Variants in GABBR2 observed in about 807,000 individuals in gnomAD.
GABBR2 encodes G-protein coupled receptor 51.
Under a neutral mutation model 105.6 loss-of-function variants are expected in GABBR2, and 23 were observed. The observed-to-expected ratio is 0.22, with a 90% CI of 0.16 to 0.31. The LOEUF (loss-of-function observed/expected upper bound fraction) is 0.31, where lower values mean the gene tolerates loss of function less well. Among genes scored for constraint, GABBR2 ranks in the 10% least tolerant of loss-of-function variants. The probability of loss-of-function intolerance (pLI) is 1.00; values close to 1 mark genes in which losing one functional copy is unlikely to be tolerated. For synonymous variants in GABBR2, 478 were observed against 499.7 expected (o/e 0.96, Z 0.58); for missense variants, 734 against 1,245.5 (o/e 0.59, Z 6.18).
chr9:98,535,331 C>T (rs1478098343), intron 3 of GABBR2, among the ~76,000 whole-genome samples: 2 of 151,986 alleles, frequency 1.3e-5, no homozygotes, highest in Non-Finnish European at 2.9e-5. Flanking sequence ...GAACTCCTGA[C>T]CTCAGGTGAT....
chr9:98,583,458 AG>A (rs1442603414), intron 1 of GABBR2, among the ~76,000 whole-genome samples: 4 of 152,244 alleles, frequency 2.6e-5, no homozygotes, highest in African/African-American at 9.6e-5. Context: ...CAACTGCCTC[AG>A]CTGCAGCATC....
intron 1 of GABBR2, among the ~76,000 whole-genome samples, chr9:98,698,274 G>A (rs556003721): frequency 2.0e-5 from 3 of 152,246 alleles, no homozygotes; most frequent in African/African-American, 7.2e-5. Context: ...GAAGACAGAT[G>A]AGTCCACGCA....
chr9:98,425,037 C>T (rs1832849500), intron 7 of GABBR2, among the ~76,000 whole-genome samples: 2 of 151,560 alleles, frequency 1.3e-5, no homozygotes, highest in South Asian at 4.2e-4. Flanking sequence ...CAATCCTAAG[C>T]CAAAAGAACA....
intron 13 of GABBR2, among the ~76,000 whole-genome samples, chr9:98,324,493 G>GACAGAC (rs1491206506): frequency 1.1e-4 from 16 of 143,378 alleles, no homozygotes; most frequent in Middle Eastern, 3.6e-3. Flanking sequence ...CTACAGAGCC[G>GACAGAC]ACACACACAC....
intron 3 of GABBR2, among the ~76,000 whole-genome samples, chr9:98,535,098 T>C (rs1828145652): frequency 1.3e-5 from 2 of 152,056 alleles, no homozygotes; most frequent in African/African-American, 4.8e-5. Context: ...AGGATATTTT[T>C]TTTCAGGGGG....
intron 1 of GABBR2, among the ~76,000 whole-genome samples, chr9:98,662,399 T>C (rs1320952920): frequency 6.6e-6 from 1 of 152,136 alleles, no homozygotes; most frequent in Non-Finnish European, 1.5e-5. Flanking sequence ...GTACAATCAA[T>C]GTGCTGGGGA....
intron 4 of GABBR2, among the ~76,000 whole-genome samples, chr9:98,483,290 C>T (rs1272239235): frequency 6.6e-6 from 1 of 152,166 alleles, no homozygotes; most frequent in African/African-American, 2.4e-5. Flanking sequence ...ACCCTCCAGC[C>T]CCACTGCCCT....
rs917832110 is a variant in GABBR2 at position 98,641,644 on chromosome 9, C to T, written c.322-63572G>A. ...CTCTTCCTTCCTCTGTCTTTGCTCC[C>T]GAAATTTATTGATTGCACAGGTTTT... is the stretch of plus-strand genomic sequence containing the variant. On this transcript the variant is annotated intron_variant, in intron 1 of 18. Transcript: ENST00000259455. Among the ~76,000 whole-genome samples, 8 of 152,164 alleles carry T rather than the reference C, an allele frequency of 5.3e-5. No homozygotes were observed. In the South Asian group the frequency reaches 6.2e-4, roughly 12 times the overall value.
chr9:98,473,889 T>C (rs1319756969), intron 5 of GABBR2, among the ~76,000 whole-genome samples: 1 of 152,208 alleles, frequency 6.6e-6, no homozygotes, highest in Non-Finnish European at 1.5e-5. Context: ...AATTTTTGTA[T>C]AGATCTTTAC....
intron 1 of GABBR2, among the ~76,000 whole-genome samples, chr9:98,687,010 C>G (rs1299325164): frequency 6.6e-6 from 1 of 152,086 alleles, no homozygotes; most frequent in African/African-American, 2.4e-5. Flanking sequence ...TGACCTTCCC[C>G]TGCACTTTAA....
intron 3 of GABBR2, among the ~76,000 whole-genome samples, chr9:98,515,287 A>G (rs1275642728): frequency 6.6e-6 from 1 of 152,128 alleles, no homozygotes; most frequent in Non-Finnish European, 1.5e-5. Context: ...CCTAGGTGGT[A>G]CCTGTTCTCA....
At chr9:98,344,186 C>T (rs568356781) in intron 13 of GABBR2, among the ~76,000 whole-genome samples, 3 of 152,144 alleles carry the variant, frequency 2.0e-5, no homozygotes, top group African/African-American at 7.2e-5. Flanking sequence ...TGCCCTCATC[C>T]AAGATTGTCA....
chr9:98,402,586 G>C (rs1332153502), intron 8 of GABBR2, among the ~76,000 whole-genome samples: 1 of 152,128 alleles, frequency 6.6e-6, no homozygotes, highest in East Asian at 1.9e-4. Flanking sequence ...CGCTGTTAGT[G>C]GTGTGGGGAA....
chr9:98,445,025 G>T (rs1826101373), intron 7 of GABBR2, among the ~76,000 whole-genome samples: 1 of 152,196 alleles, frequency 6.6e-6, no homozygotes. Flanking sequence ...TTATTTATCG[G>T]GTTGAAAAAG....
chr9:98,378,390 G>A (rs942933478), intron 11 of GABBR2, among the ~76,000 whole-genome samples: 18 of 152,174 alleles, frequency 1.2e-4, no homozygotes, highest in African/African-American at 4.1e-4. Flanking sequence ...CCTGCTTCCC[G>A]AGGTTCGAGG....
intron 3 of GABBR2, among the ~76,000 whole-genome samples, chr9:98,532,751 C>T (rs911598024): frequency 1.9e-4 from 29 of 152,168 alleles, no homozygotes; most frequent in African/African-American, 7.0e-4. Flanking sequence ...GCTGATGATG[C>T]TGGTCCAGGG....
chr9:98,303,475 C>T (rs772251776), intron 15 of GABBR2, 52 bp from the exon 16 acceptor site: 6 of 1,495,232 alleles, frequency 4.0e-6, no homozygotes, highest in Non-Finnish European at 9.2e-7. Flanking sequence ...TGAGTCCTTC[C>T]TCCCATCCCA....
intron 1 of GABBR2, among the ~76,000 whole-genome samples, chr9:98,580,607 G>A (rs967239736): frequency 6.6e-6 from 1 of 152,078 alleles, no homozygotes; most frequent in African/African-American, 2.4e-5. Context: ...GGACAACATG[G>A]CGAAACCCCG....
intron 7 of GABBR2, among the ~76,000 whole-genome samples, chr9:98,412,037 G>A (rs1832599536): frequency 6.6e-6 from 1 of 152,242 alleles, no homozygotes; most frequent in East Asian, 1.9e-4. Flanking sequence ...CTAAGCATGA[G>A]TAAAATTCAC....
Sources: allele counts gnomAD v4.1 joint callset (sites outside exome capture counted in the v4.1 genomes callset), GRCh38; gene constraint gnomAD v4.1.1; transcripts MANE v1.5; gene names NCBI Gene and HGNC (gene_info 2026-07-23, HGNC 2026-07-21).